Variants in IL1RAPL1 observed in about 807,000 individuals in gnomAD.
The protein encoded by IL1RAPL1 is interleukin-1 receptor accessory protein-like 1.
IL1RAPL1 carries 3 observed loss-of-function variants against 48.4 expected under a neutral mutation model. The ratio of observed to expected loss-of-function variants is 0.06; its 90% confidence interval spans 0.03 to 0.16. The LOEUF is 0.16. Among genes scored for constraint, IL1RAPL1 ranks in the 10% least tolerant of loss-of-function variants. The pLI is 1.00. For missense variants in IL1RAPL1, 349 were observed against 530.6 expected (o/e 0.66, Z 3.36); for synonymous variants, 185 against 187.7 (o/e 0.99, Z 0.12).
Position 28,871,152 on chromosome X carries a change from C to T in IL1RAPL1, c.82+81727C>T, listed in dbSNP as rs754354827. 5.4e-5 allele frequency among the ~76,000 whole-genome samples: 6 copies of T among 111,599 alleles called. No homozygotes were observed. The East Asian group carries it at 1.7e-3, about 31-fold the overall frequency. ...AAAGGAAAGAATTATAGCACTAAGC[C>T]GGTAAGAGAAAAGCAGCTTGATTCT... is the stretch of plus-strand genomic sequence containing the variant. On this transcript the variant is annotated intron_variant, in intron 2 of 10. Transcript: ENST00000378993.
intron 5 of IL1RAPL1, among the ~76,000 whole-genome samples, chrX:29,623,116 A>C (rs1924514384): frequency 9.3e-6 from 1 of 107,918 alleles, no homozygotes; most frequent in African/African-American, 3.4e-5. Context: ...TAAAAAAAAA[A>C]AAAAAAAATG....
At chrX:29,852,805 GAA>G (rs201391595) in intron 6 of IL1RAPL1, among the ~76,000 whole-genome samples, 1,371 of 111,980 alleles carry the variant, frequency 0.012, 24 homozygotes, top group African/African-American at 0.042. Context: ...TCAAGAGCAA[GAA>G]AAGTCTCCAG....
intron 6 of IL1RAPL1, among the ~76,000 whole-genome samples, chrX:29,881,219 T>C (rs765426283): frequency 3.6e-5 from 4 of 110,643 alleles, no homozygotes; most frequent in Non-Finnish European, 5.7e-5. Flanking sequence ...AAAACAGAAG[T>C]GAGGGTTGAT....
At chrX:29,459,996 G>T (rs753317311) in intron 5 of IL1RAPL1, among the ~76,000 whole-genome samples, 10 of 111,632 alleles carry the variant, frequency 9.0e-5, no homozygotes, top group Admixed American at 2.9e-4. Context: ...AGGTCATGAG[G>T]TATTTGTCTT....
At chrX:28,722,153 G>T (rs1000575724) in intron 1 of IL1RAPL1, among the ~76,000 whole-genome samples, 16 of 111,566 alleles carry the variant, frequency 1.4e-4, no homozygotes, top group Admixed American at 5.7e-4. Context: ...TAGCTTGATG[G>T]GGATGGCATT....
At chrX:28,609,528 T>G (rs1463135432) in intron 1 of IL1RAPL1, among the ~76,000 whole-genome samples, 3 of 105,678 alleles carry the variant, frequency 2.8e-5, no homozygotes, top group Non-Finnish European at 5.8e-5. Context: ...AGGGTTAGCC[T>G]GGCAGGCATT....
At chrX:28,621,225 T>G (rs1308649418) in intron 1 of IL1RAPL1, among the ~76,000 whole-genome samples, 1 of 112,260 alleles carries the variant, frequency 8.9e-6, no homozygotes, top group East Asian at 2.8e-4. Flanking sequence ...TCTTTCTCCT[T>G]CTCCATTGCT....
At chrX:29,001,454 C>T (rs774011947) in intron 2 of IL1RAPL1, among the ~76,000 whole-genome samples, 4 of 111,417 alleles carry the variant, frequency 3.6e-5, no homozygotes, top group East Asian at 2.8e-4. Flanking sequence ...GCCACATATC[C>T]GTCATGGTGA....
intron 2 of IL1RAPL1, among the ~76,000 whole-genome samples, chrX:29,013,179 A>G (rs1385159549): frequency 2.2e-5 from 2 of 92,002 alleles, no homozygotes; most frequent in African/African-American, 4.2e-5. Flanking sequence ...ACCAGTCAGG[A>G]TGGCTATTAT....
intron 2 of IL1RAPL1, among the ~76,000 whole-genome samples, chrX:29,119,508 G>A (rs991142792): frequency 3.6e-5 from 4 of 111,947 alleles, no homozygotes; most frequent in African/African-American, 6.5e-5. Flanking sequence ...TCTCAGATCT[G>A]TCAGACAACT....
chrX:29,508,099 G>GT lies in IL1RAPL1; in HGVS notation c.703+108799dup, dbSNP rs755597327. On this transcript the variant is annotated intron_variant, in intron 5 of 10. Transcript: ENST00000378993. Reference sequence around the variant, plus strand: ...GTGAAATCAATCTCCTCCTTCTACTGTTTTTTTTAATACTTAAAAACATTA... The same window carrying GT: ...GTGAAATCAATCTCCTCCTTCTACTGTTTTTTTTTAATACTTAAAAACATTA... Among the ~76,000 whole-genome samples, 49 of 110,929 alleles carry GT rather than the reference G, an allele frequency of 4.4e-4. No individual in the cohort carries two copies. The South Asian group carries it at 4.5e-3, about 10-fold the overall frequency.
intron 2 of IL1RAPL1, among the ~76,000 whole-genome samples, chrX:29,106,057 C>A (rs1195962278): frequency 2.7e-5 from 3 of 112,207 alleles, no homozygotes; most frequent in Non-Finnish European, 5.6e-5. Flanking sequence ...TTTTTCTTTC[C>A]ATTCTTTCCT....
intron 2 of IL1RAPL1, among the ~76,000 whole-genome samples, chrX:28,975,333 T>C (rs1177325464): frequency 8.9e-6 from 1 of 112,106 alleles, no homozygotes; most frequent in Non-Finnish European, 1.9e-5. Context: ...TGTGATACCA[T>C]CTTTCAACTC....
intron 2 of IL1RAPL1, among the ~76,000 whole-genome samples, chrX:28,865,388 G>A (rs1365394654): frequency 2.8e-5 from 3 of 108,066 alleles, no homozygotes; most frequent in Non-Finnish European, 5.7e-5. Context: ...ACAGTGAGCC[G>A]AGATCATGCC....
chrX:29,506,947 AT>A (rs1214095126), intron 5 of IL1RAPL1, among the ~76,000 whole-genome samples: 2 of 108,463 alleles, frequency 1.8e-5, no homozygotes, highest in South Asian at 4.0e-4. Context: ...TTGTGGGGAC[AT>A]TTTTTTTTGC....
intron 2 of IL1RAPL1, among the ~76,000 whole-genome samples, chrX:28,911,476 A>G (rs980612069): frequency 9.0e-6 from 1 of 110,874 alleles, no homozygotes; most frequent in African/African-American, 3.3e-5. Context: ...CACTTCCCCC[A>G]TTGTATCCTC....
chrX:28,918,323 G>C (rs1923536366), intron 2 of IL1RAPL1, among the ~76,000 whole-genome samples: 2 of 112,070 alleles, frequency 1.8e-5, no homozygotes, highest in Admixed American at 1.9e-4. Context: ...TACTCAGAAA[G>C]AACAAACTTT....
At chrX:29,945,880 C>T (rs1014499256) in intron 9 of IL1RAPL1, among the ~76,000 whole-genome samples, 7 of 111,316 alleles carry the variant, frequency 6.3e-5, no homozygotes, top group Non-Finnish European at 1.3e-4. Context: ...GTTCACATCA[C>T]TCCTTGTTCC....
intron 2 of IL1RAPL1, among the ~76,000 whole-genome samples, chrX:28,815,261 C>A (rs768286105): frequency 4.1e-4 from 45 of 110,301 alleles, no homozygotes; most frequent in Non-Finnish European, 6.3e-4. Context: ...CAGAGAAATG[C>A]TTTATTTCTT....
Sources: allele counts gnomAD v4.1 joint callset (sites outside exome capture counted in the v4.1 genomes callset), GRCh38; gene constraint gnomAD v4.1.1; transcripts MANE v1.5; gene names NCBI Gene and HGNC (gene_info 2026-07-23, HGNC 2026-07-21).